HTR3B: variants seen among roughly 807,000 people sequenced by gnomAD.
HTR3B encodes 5-hydroxytryptamine (serotonin) receptor 3B, ionotropic.
In HTR3B, 44 loss-of-function variants were observed where a neutral mutation model predicts 42.8. The observed-to-expected ratio is 1.03, with a 90% CI of 0.81 to 1.32. The LOEUF is 1.32. HTR3B is among the 40% of genes most tolerant of loss of function. The pLI, the probability that HTR3B is intolerant of heterozygous loss-of-function variation, is 0.00. For missense variants in HTR3B, 527 were observed against 536.5 expected, an observed-to-expected ratio of 0.98 and a Z score of 0.17; for synonymous variants, 203 against 209.0, an observed-to-expected ratio of 0.97 and a Z score of 0.25.
At chr11:113,935,623 A>T (rs1249658247) in intron 6 of HTR3B, among the ~76,000 whole-genome samples, 1 of 152,024 alleles carries the variant, frequency 6.6e-6, no homozygotes, top group Non-Finnish European at 1.5e-5. Context: ...CTTACTCCAT[A>T]CCAGACATCC....
intron 8 of HTR3B, 67 bp downstream of exon 8, chr11:113,944,822 T>C (rs1950164536): frequency 3.3e-6 from 5 of 1,502,266 alleles, no homozygotes; most frequent in Non-Finnish European, 4.6e-6. Context: ...TTCCCGTTGA[T>C]GATGTACTAG....
At chr11:113,916,152 T>C (rs1438732772) in intron 2 of HTR3B, among the ~76,000 whole-genome samples, 2 of 152,256 alleles carry the variant, frequency 1.3e-5, no homozygotes, top group Non-Finnish European at 2.9e-5. Context: ...TTTAAAATTT[T>C]AACCATTGTA....
chr11:113,921,728 A>G (rs1368269687), intron 2 of HTR3B, among the ~76,000 whole-genome samples: 3 of 152,184 alleles, frequency 2.0e-5, no homozygotes, highest in Non-Finnish European at 4.4e-5. Flanking sequence ...AGTGTATCGA[A>G]TTGAAAATAT....
chr11:113,939,789 A>G (rs1950119382), intron 6 of HTR3B, among the ~76,000 whole-genome samples: 1 of 152,142 alleles, frequency 6.6e-6, no homozygotes, highest in Admixed American at 6.5e-5. Flanking sequence ...AAAGGAGGAA[A>G]TCAAGGCATG....
At chr11:113,944,946 G>A (rs1458141102) in intron 8 of HTR3B, among the ~76,000 whole-genome samples, 191 bp downstream of exon 8, 2 of 152,168 alleles carry the variant, frequency 1.3e-5, no homozygotes, top group African/African-American at 2.4e-5. Flanking sequence ...TTTCTAGAAA[G>A]TCTCATTTTG....
upstream of HTR3B, among the ~76,000 whole-genome samples, chr11:113,903,747 AT>A (rs1454712064): frequency 6.6e-6 from 1 of 152,178 alleles, no homozygotes; most frequent in Non-Finnish European, 1.5e-5. Flanking sequence ...TTATTTATAT[AT>A]TTAGCAAATG....
intron 1 of HTR3B, among the ~76,000 whole-genome samples, chr11:113,907,787 C>T (rs990094093): frequency 1.3e-5 from 2 of 152,132 alleles, no homozygotes; most frequent in Admixed American, 6.6e-5. Context: ...ATACTCATTT[C>T]GGTGTTTCCC....
At chr11:113,939,888 GTTT>G (rs60017270) in intron 6 of HTR3B, among the ~76,000 whole-genome samples, 7 of 137,918 alleles carry the variant, frequency 5.1e-5, no homozygotes, top group African/African-American at 1.1e-4. Flanking sequence ...TCCCCTTGGT[GTTT>G]TTTTTTTTTT....
At chr11:113,931,632 T>G in intron 3 of HTR3B, 126 bp from the exon 4 acceptor site, 1 of 696,420 alleles carries the variant, frequency 1.4e-6, no homozygotes, top group Non-Finnish European at 2.5e-6. Flanking sequence ...TGGGAAGTCC[T>G]TTCTCCTAAC....
intron 2 of HTR3B, among the ~76,000 whole-genome samples, chr11:113,927,360 TA>T (rs1415487079): frequency 6.6e-6 from 1 of 152,120 alleles, no homozygotes; most frequent in African/African-American, 2.4e-5. Context: ...CTTGGTAACT[TA>T]AAAAAATACT....
rs1336341239 is a variant in HTR3B at position 113,948,500 on chromosome 11, G to A, written c.*2363G>A. Among the ~76,000 whole-genome samples, 2 of 152,222 alleles carry A rather than the reference G, an allele frequency of 1.3e-5. No homozygotes were observed. Among genetic ancestry groups the A allele is most frequent in the Non-Finnish European group, 2.9e-5 (2 of 68,036 alleles). On this transcript the variant is annotated 3_prime_UTR_variant, in exon 9 of 9. Coordinates refer to ENST00000260191, the MANE Select transcript of HTR3B (RefSeq NM_006028.5). ...ACTTACCTTATTTGAAATTGGGGCT[G>A]TTTATATTTGCTCTACCCCTATCAA...
intron 1 of HTR3B, among the ~76,000 whole-genome samples, chr11:113,906,237 T>G (rs72997454): frequency 0.027 from 4,134 of 152,320 alleles, 92 homozygotes; most frequent in Non-Finnish European, 0.04. Flanking sequence ...TTACTATGTT[T>G]ACTTTACGTA....
chr11:113,920,122 G>T (rs998955423), intron 2 of HTR3B, among the ~76,000 whole-genome samples: 1 of 151,872 alleles, frequency 6.6e-6, no homozygotes, highest in Admixed American at 6.6e-5. Context: ...TCCGCCTCCC[G>T]GGTTCAAGCG....
At position 113,946,035 on chromosome 11, in the gene HTR3B, C is replaced by T; in HGVS notation, c.1224C>T (p.Leu408=). Residue 408 remains leucine (L), a synonymous_variant, in exon 9 of 9, where the codon CTC becomes CTT. Coordinates refer to ENST00000260191, the MANE Select transcript of HTR3B (RefSeq NM_006028.5). ...AACAGGAGGCAGAGTGGCTGGTCCT[C>T]CTGTCCCGCTTTGACCGACTGCTCT... The part of the protein sequence containing the change: ...TDQQEAEWLV[L]LSRFDRLLFQ... 1.2e-6 allele frequency: 2 copies of T among 1,614,070 alleles called. No homozygotes were observed. Among genetic ancestry groups the T allele is most frequent in the Non-Finnish European group, 1.7e-6 (2 of 1,179,992 alleles).
intron 2 of HTR3B, among the ~76,000 whole-genome samples, chr11:113,916,981 T>C (rs1949860780): frequency 6.6e-6 from 1 of 152,168 alleles, no homozygotes; most frequent in South Asian, 2.1e-4. Context: ...GGAAAATCAG[T>C]TTTACTTCTT....
At chr11:113,930,487 CTTT>C (rs528919776) in intron 2 of HTR3B, among the ~76,000 whole-genome samples, 9 of 121,932 alleles carry the variant, frequency 7.4e-5, no homozygotes, top group African/African-American at 2.2e-4. Context: ...TTTCTTTTCT[CTTT>C]TTTTTTTTTT....
intron 2 of HTR3B, among the ~76,000 whole-genome samples, chr11:113,921,617 C>CAAA (rs765786534): frequency 2.1e-5 from 2 of 95,650 alleles, no homozygotes; most frequent in African/African-American, 3.7e-5. Context: ...GACTCCGTCT[C>CAAA]AAAAAAAAAA....
At chr11:113,942,465 C>T (rs1950143968) in intron 6 of HTR3B, among the ~76,000 whole-genome samples, 1 of 152,140 alleles carries the variant, frequency 6.6e-6, no homozygotes, top group South Asian at 2.1e-4. Context: ...GTCACACACA[C>T]ACACAAAAGT....
At chr11:113,916,133 G>T (rs557112547) in intron 2 of HTR3B, among the ~76,000 whole-genome samples, 2 of 152,298 alleles carry the variant, frequency 1.3e-5, no homozygotes, top group South Asian at 4.1e-4. Context: ...CACCGTGCCC[G>T]GCCCAATCTT....
Sources: allele counts gnomAD v4.1 joint callset (sites outside exome capture counted in the v4.1 genomes callset), GRCh38; gene constraint gnomAD v4.1.1; transcripts MANE v1.5; gene names NCBI Gene and HGNC (gene_info 2026-07-23, HGNC 2026-07-21).